The following SLC25A21 variants were observed in gnomAD, a reference collection of about 807,000 sequenced individuals.
SLC25A21 encodes the protein solute carrier family 25 member 21.
SLC25A21 carries 47 observed loss-of-function variants against 43.8 expected under a neutral mutation model. The observed-to-expected ratio is 1.07, with a 90% confidence interval of 0.85 to 1.37. The LOEUF (loss-of-function observed/expected upper bound fraction) is 1.37. SLC25A21 is among the 40% of genes most tolerant of loss of function. The pLI is 0.00. For missense variants in SLC25A21, 352 were observed against 350.2 expected (o/e 1.00, Z -0.04); for synonymous variants, 131 against 121.3 (o/e 1.08, Z -0.52).
At chr14:37,044,891 T>C (rs181801320) in intron 1 of SLC25A21, among the ~76,000 whole-genome samples, 2 of 152,370 alleles carry the variant, frequency 1.3e-5, no homozygotes. Flanking sequence ...TGGACAAAAT[T>C]GCTCTAGATC....
chr14:37,116,344 C>G (rs1963105863), intron 1 of SLC25A21, among the ~76,000 whole-genome samples: 1 of 152,136 alleles, frequency 6.6e-6, no homozygotes, highest in African/African-American at 2.4e-5. Context: ...CCTTACAATG[C>G]ATATACATTC....
intron 1 of SLC25A21, among the ~76,000 whole-genome samples, chr14:37,074,651 G>A (rs768042776): frequency 6.6e-6 from 1 of 151,980 alleles, no homozygotes; most frequent in Non-Finnish European, 1.5e-5. Context: ...GGCCAACATA[G>A]TGAAACCCCG....
intron 1 of SLC25A21, among the ~76,000 whole-genome samples, chr14:37,157,970 A>G (rs1963878387): frequency 6.6e-6 from 1 of 152,208 alleles, no homozygotes; most frequent in Admixed American, 6.5e-5. Context: ...ATGGTGACAA[A>G]TTGGAAAACT....
In SLC25A21 at chr14:36,678,697, TTTTC is replaced by T. The variant is rs1250921108; in HGVS notation, c.*1957_*1960del. The T allele has an allele frequency of 8.1e-6, 10 of 1,241,846 alleles. No individual in the cohort carries two copies. The highest frequency in any genetic ancestry group is 4.6e-5 in the African/African-American group (3 of 65,096). 76.9% of individuals were successfully genotyped at this position (1,241,846 alleles called of 1,614,324 possible). A position where few individuals can be genotyped will look rare whatever the true frequency, so the allele number is the denominator to read the frequency against. ...TTGTGTGGAAATGCAAATAATGTTA[TTTTC>T]TTTATCTAAATTAAGAAATCTCTTG... On this transcript the variant is annotated 3_prime_UTR_variant, in exon 10 of 10. Coordinates refer to ENST00000331299, the MANE Select transcript of SLC25A21 (RefSeq NM_030631.4).
At position 36,769,504 on chromosome 14, in the gene SLC25A21, A is replaced by T. The variant is rs1429970089; in HGVS notation, c.204-34931T>A. ...AATTAAAAATACTAGTGATTACAAAACAAAGCTAAATTCCTAAAAATCCCT... is the reference window on the plus strand; with the variant it reads ...AATTAAAAATACTAGTGATTACAAATCAAAGCTAAATTCCTAAAAATCCCT... On this transcript the variant is annotated intron_variant, in intron 3 of 9. Coordinates refer to ENST00000331299, the MANE Select transcript of SLC25A21 (RefSeq NM_030631.4). 1.3e-5 allele frequency among the ~76,000 whole-genome samples: 2 copies of T among 152,192 alleles called. 1 individual carries two copies. Among genetic ancestry groups the T allele is most frequent in the Non-Finnish European group, 2.9e-5 (2 of 68,040 alleles).
chr14:36,870,063 T>A (rs901366590), intron 2 of SLC25A21, among the ~76,000 whole-genome samples: 11 of 152,136 alleles, frequency 7.2e-5, no homozygotes, highest in African/African-American at 2.4e-4. Flanking sequence ...AGAAAAATAA[T>A]CCTTGAGCAC....
chr14:36,809,232 A>G (rs563933631), intron 3 of SLC25A21: 1 of 152,276 alleles, frequency 6.6e-6, no homozygotes, highest in South Asian at 2.1e-4. Context: ...TTTCTGTCAA[A>G]CCAGACACAG....
chr14:36,780,901 A>G (rs1285305293), intron 3 of SLC25A21, among the ~76,000 whole-genome samples: 1 of 152,038 alleles, frequency 6.6e-6, no homozygotes, highest in Admixed American at 6.6e-5. Context: ...TGGATGATCT[A>G]TCCATTGTTG....
chr14:36,796,558 T>C (rs1887681362), intron 3 of SLC25A21, among the ~76,000 whole-genome samples: 1 of 152,046 alleles, frequency 6.6e-6, no homozygotes, highest in Admixed American at 6.6e-5. Context: ...ATGTGTACAA[T>C]AGGATCCTGA....
intron 3 of SLC25A21, among the ~76,000 whole-genome samples, chr14:36,753,965 GAGAGAA>G (rs1885824241): frequency 6.6e-6 from 1 of 150,888 alleles, no homozygotes; most frequent in South Asian, 2.1e-4. Context: ...GAGAGAAAGA[GAGAGAA>G]AAAGCGAGCA....
chr14:37,045,220 A>C (rs1961562407), intron 1 of SLC25A21, among the ~76,000 whole-genome samples: 1 of 152,194 alleles, frequency 6.6e-6, no homozygotes, highest in Admixed American at 6.5e-5. Context: ...TGAACTCTCT[A>C]TGTTGTAAAT....
intron 1 of SLC25A21, among the ~76,000 whole-genome samples, chr14:37,151,581 A>G (rs1168901860): frequency 6.6e-6 from 1 of 152,204 alleles, no homozygotes; most frequent in Non-Finnish European, 1.5e-5. Flanking sequence ...TTATGGGGGC[A>G]ATACTTGAAG....
At chr14:37,043,111 C>T (rs1031771512) in intron 1 of SLC25A21, among the ~76,000 whole-genome samples, 2 of 152,198 alleles carry the variant, frequency 1.3e-5, no homozygotes, top group African/African-American at 2.4e-5. Flanking sequence ...ACAGACACAA[C>T]GTAAGTTCTG....
At chr14:36,710,809 A>G (rs1883824777) in intron 7 of SLC25A21, among the ~76,000 whole-genome samples, 1 of 152,188 alleles carries the variant, frequency 6.6e-6, no homozygotes, top group South Asian at 2.1e-4. Context: ...TCAAAAGCAA[A>G]TGATTCTAGA....
At position 36,938,980 on chromosome 14, in the gene SLC25A21, T is replaced by C. The variant is rs149298623; in HGVS notation, c.71-63976A>G. On this transcript the variant is annotated intron_variant, in intron 1 of 9. Transcript: ENST00000331299. ...CTCAGCTTGTGTTTCTGAAAAGTTT[T>C]ATGTAAACCCAAGTTCTGTAAACTG... is the stretch of plus-strand genomic sequence containing the variant. Among the ~76,000 whole-genome samples the C allele has an allele frequency of 7.1e-3, 1,086 of 152,312 alleles. 17 individuals are homozygous for C. Among genetic ancestry groups the C allele is most frequent in the African/African-American group, 0.024 (1,003 of 41,566 alleles).
chr14:36,856,638 CAT>C (rs1889906596), intron 2 of SLC25A21, among the ~76,000 whole-genome samples: 1 of 152,196 alleles, frequency 6.6e-6, no homozygotes, highest in East Asian at 1.9e-4. Context: ...GTGCCAGACA[CAT>C]GTGTGAGTGA....
chr14:36,786,716 G>A (rs189114582), intron 3 of SLC25A21, among the ~76,000 whole-genome samples: 7 of 152,052 alleles, frequency 4.6e-5, no homozygotes, highest in South Asian at 4.1e-4. Flanking sequence ...AAATGTCCCC[G>A]CGTTGTAAAA....
At chr14:37,055,410 C>A (rs1206112460) in intron 1 of SLC25A21, among the ~76,000 whole-genome samples, 1 of 152,184 alleles carries the variant, frequency 6.6e-6, no homozygotes, top group Non-Finnish European at 1.5e-5. Context: ...CTTCACTGCT[C>A]CACTCATGGA....
intron 2 of SLC25A21, among the ~76,000 whole-genome samples, chr14:36,820,535 G>A (rs1270232519): frequency 6.6e-6 from 1 of 152,156 alleles, no homozygotes; most frequent in Non-Finnish European, 1.5e-5. Context: ...GGGAGCCACC[G>A]GTTATAATTC....
Sources: gnomAD v4.1 joint callset for allele counts (sites outside exome capture counted in the v4.1 genomes callset) on GRCh38, gnomAD v4.1.1 for gene constraint, MANE v1.5 for transcripts, NCBI Gene and HGNC (gene_info 2026-07-23, HGNC 2026-07-21) for gene names.